GRIN2B: variants seen among roughly 807,000 people sequenced by gnomAD.
The protein encoded by GRIN2B is glutamate receptor ionotropic, NMDA 2B.
GRIN2B carries 5 observed loss-of-function variants against 114.5 expected under a neutral mutation model. That is an observed-to-expected ratio of 0.04 (90% CI 0.02 to 0.09). The LOEUF is 0.09. Ranked by LOEUF, GRIN2B falls within the 10% of genes least tolerant of loss-of-function variation. The probability of loss-of-function intolerance (pLI) is 1.00; values close to 1 mark genes in which losing one functional copy is unlikely to be tolerated. For synonymous variants in GRIN2B, 787 were observed against 745.1 expected, an observed-to-expected ratio of 1.06 and a Z score of -0.92; for missense variants, 1,108 against 1,943.5, an observed-to-expected ratio of 0.57 and a Z score of 8.08.
At chr12:13,826,535 C>T (rs1865039076) in intron 3 of GRIN2B, among the ~76,000 whole-genome samples, 1 of 152,080 alleles carries the variant, frequency 6.6e-6, no homozygotes. Context: ...CAGTAAATTT[C>T]ACCCCTCCCC....
At chr12:13,611,691 A>C in intron 9 of GRIN2B, 34 bp downstream of exon 9, 1 of 1,608,680 alleles carries the variant, frequency 6.2e-7, no homozygotes, top group East Asian at 2.2e-5. Context: ...GGAGAAAAAA[A>C]CTGGGGAAGT....
At chr12:13,701,498 A>G (rs1412472266) in intron 4 of GRIN2B, among the ~76,000 whole-genome samples, 1 of 138,716 alleles carries the variant, frequency 7.2e-6, no homozygotes, top group Non-Finnish European at 1.5e-5. Flanking sequence ...GTGAAGCACT[A>G]GGGATTCAGT....
chr12:13,949,176 T>C (rs7303387), intron 2 of GRIN2B, among the ~76,000 whole-genome samples: 61,631 of 151,954 alleles, frequency 0.41, 13,269 homozygotes, highest in Non-Finnish European at 0.48. Flanking sequence ...GAAGAACCCA[T>C]AGTTCCTGGA....
intron 4 of GRIN2B, among the ~76,000 whole-genome samples, chr12:13,681,661 GT>G (rs1332771080): frequency 6.6e-6 from 1 of 152,028 alleles, no homozygotes; most frequent in East Asian, 1.9e-4. Flanking sequence ...TTGACCTGTT[GT>G]TTATCTCTAC....
chr12:13,579,131 C>G (rs1376528317), intron 10 of GRIN2B, among the ~76,000 whole-genome samples: 1 of 152,126 alleles, frequency 6.6e-6, no homozygotes, highest in African/African-American at 2.4e-5. Flanking sequence ...AGACGAGTGT[C>G]TGTTCAAAGA....
chr12:13,726,081 T>C (rs1862978959), intron 4 of GRIN2B, among the ~76,000 whole-genome samples: 1 of 152,172 alleles, frequency 6.6e-6, no homozygotes, highest in Non-Finnish European at 1.5e-5. Context: ...TATCCTTTCT[T>C]GAGTTTCCTG....
chr12:13,751,301 AG>A (rs900527767), intron 4 of GRIN2B, among the ~76,000 whole-genome samples: 1 of 152,230 alleles, frequency 6.6e-6, no homozygotes, highest in African/African-American at 2.4e-5. Context: ...AGCCTCTGAA[AG>A]GTATTAAGCA....
intron 3 of GRIN2B, among the ~76,000 whole-genome samples, chr12:13,857,821 A>G (rs906246372): frequency 6.6e-6 from 1 of 152,188 alleles, no homozygotes; most frequent in Non-Finnish European, 1.5e-5. Context: ...GGGCTCATGA[A>G]ATCAAGGATG....
intron 4 of GRIN2B, among the ~76,000 whole-genome samples, chr12:13,726,266 G>C (rs1862982997): frequency 6.6e-6 from 1 of 151,910 alleles, no homozygotes; most frequent in African/African-American, 2.4e-5. Flanking sequence ...CGGGCACATT[G>C]GTTCATGCCT....
At chr12:13,854,383 G>A (rs968462628) in intron 3 of GRIN2B, among the ~76,000 whole-genome samples, 1 of 152,100 alleles carries the variant, frequency 6.6e-6, no homozygotes, top group Non-Finnish European at 1.5e-5. Context: ...GGTGGTGAGT[G>A]CCTATAATCC....
At chr12:13,778,204 T>G (rs1211273390) in intron 3 of GRIN2B, among the ~76,000 whole-genome samples, 1 of 152,232 alleles carries the variant, frequency 6.6e-6, no homozygotes, top group African/African-American at 2.4e-5. Context: ...TATTTTTATC[T>G]TATTCATGTA....
At chr12:13,781,796 C>A (rs961260937) in intron 3 of GRIN2B, among the ~76,000 whole-genome samples, 2 of 152,174 alleles carry the variant, frequency 1.3e-5, no homozygotes, top group Non-Finnish European at 2.9e-5. Context: ...CAGGTGAGTT[C>A]TCTGCCACAA....
chr12:13,616,640 G>A lies in GRIN2B; in HGVS notation c.1143C>T (p.Asp381=), dbSNP rs376119514. 8 of 1,613,520 alleles carry A rather than the reference G, an allele frequency of 5.0e-6. No individual in the cohort carries two copies. Among genetic ancestry groups the A allele is most frequent in the Admixed American group, 1.7e-5 (1 of 59,988 alleles). The change falls in exon 6 of 14, where the codon GAC becomes GAT. Residue 381 remains aspartate, a synonymous_variant. Coordinates refer to ENST00000609686, the MANE Select transcript of GRIN2B (RefSeq NM_000834.5). ...RKWERVGKWK[D]KSLQMKYYVW... is the part of the protein sequence containing the mutation. The stretch of plus-strand genomic sequence containing the variant: ...CATAGTACTTCATCTGCAGGGACTT[G>A]TCTTTCCACTTCCCCACCTGCACAA...
At chr12:13,862,678 A>C (rs555422907) in intron 3 of GRIN2B, among the ~76,000 whole-genome samples, 3 of 152,206 alleles carry the variant, frequency 2.0e-5, no homozygotes, top group African/African-American at 7.2e-5. Context: ...ACAAAACAAA[A>C]CAAAAAAAAA....
chr12:13,563,140 G>A lies in GRIN2B; in HGVS notation c.4098C>T (p.Asn1366=), dbSNP rs747033161. 9 of 1,614,214 alleles carry A rather than the reference G, an allele frequency of 5.6e-6. No homozygotes were observed. The South Asian group carries it at 9.9e-5, about 18-fold the overall frequency. ...VPTAGHHHHN[N]PGGGYMLSKS... The stretch of plus-strand genomic sequence containing the variant: ...TGCTGAGCATGTACCCGCCGCCGGG[G>A]TTGTTGTGGTGGTGATGTCCGGCAG... The change falls in exon 14 of 14, where the codon AAC becomes AAT. Residue 1366 remains asparagine (N), a synonymous_variant. Coordinates refer to ENST00000609686, the MANE Select transcript of GRIN2B (RefSeq NM_000834.5).
rs571093882 is a variant in GRIN2B at position 13,738,917 on chromosome 12, G to C, written c.1010+14400C>G. On this transcript the variant is annotated intron_variant, in intron 4 of 13. Transcript: ENST00000609686. ...TATACAGTTTCTTAAAGCTTCTCAG[G>C]AAATTTTAACATGCAGTCATGACTG... Among the ~76,000 whole-genome samples the C allele has an allele frequency of 7.2e-5, 11 of 152,174 alleles. No homozygotes were observed. The South Asian group carries it at 2.1e-3, about 29-fold the overall frequency.
intron 3 of GRIN2B, among the ~76,000 whole-genome samples, chr12:13,754,119 C>T (rs551932999): frequency 6.6e-6 from 1 of 152,142 alleles, no homozygotes; most frequent in Non-Finnish European, 1.5e-5. Context: ...AAAATTGTCT[C>T]CTAGACTTTA....
At chr12:13,808,743 TA>T (rs61197260) in intron 3 of GRIN2B, among the ~76,000 whole-genome samples, 5,947 of 115,014 alleles carry the variant, frequency 0.052, 457 homozygotes, top group African/African-American at 0.17. Flanking sequence ...TAAAGTATAA[TA>T]AAAAAAAAAT....
chr12:13,587,726 C>G (rs1449023566), intron 10 of GRIN2B, among the ~76,000 whole-genome samples: 1 of 152,140 alleles, frequency 6.6e-6, no homozygotes, highest in East Asian at 1.9e-4. Context: ...CACTTAAAAT[C>G]AGAAGTCCTG....
Sources: gnomAD v4.1 joint callset for allele counts (sites outside exome capture counted in the v4.1 genomes callset) on GRCh38, gnomAD v4.1.1 for gene constraint, MANE v1.5 for transcripts, NCBI Gene and HGNC (gene_info 2026-07-23, HGNC 2026-07-21) for gene names.